The following CSMD3 variants were observed in gnomAD, a reference collection of about 807,000 sequenced individuals.
The protein encoded by CSMD3 is CUB and sushi domain-containing protein 3.
Under a neutral mutation model 435.2 loss-of-function variants are expected in CSMD3, and 177 were observed. The observed-to-expected ratio is 0.41, with a 90% CI of 0.36 to 0.46. The LOEUF is 0.46. Among genes scored for constraint, CSMD3 ranks in the 20% least tolerant of loss-of-function variants. The pLI is 0.34. For missense variants in CSMD3, 4,265 were observed against 4,504.6 expected (o/e 0.95, Z 1.52); for synonymous variants, 1,656 against 1,520.5 (o/e 1.09, Z -2.07).
At position 112,289,409 on chromosome 8, in the gene CSMD3, C is replaced by T. The variant is rs2130655247; in HGVS notation, c.9104G>A (p.Cys3035Tyr). The T allele has an allele frequency of 6.2e-7, 1 of 1,613,394 alleles. No individual in the cohort carries two copies. Among genetic ancestry groups the T allele is most frequent in the Non-Finnish European group, 8.5e-7 (1 of 1,179,558 alleles). ...RSLLGQSSRT[C>Y]QLNGHWSGSQ... is the part of the protein sequence containing the mutation. ...TCCACTCCAATGGCCATTCAATTGG[C>T]AGGTTCTTGATGACTGGCCTAAAAG... The change falls in exon 57 of 71, where the codon TGC becomes TAC. Residue 3035 changes from cysteine (C) to tyrosine (Y), a missense_variant. Coordinates refer to ENST00000297405, the MANE Select transcript of CSMD3 (RefSeq NM_198123.2).
intron 22 of CSMD3, among the ~76,000 whole-genome samples, chr8:112,597,238 C>T (rs1240313339): frequency 1.3e-5 from 2 of 152,104 alleles, no homozygotes; most frequent in East Asian, 1.9e-4. Context: ...ACTACAAACA[C>T]CTCTATGCAA....
chr8:113,111,490 C>T lies in CSMD3; in HGVS notation c.710-12527G>A, dbSNP rs374178221. Among the ~76,000 whole-genome samples the T allele has an allele frequency of 2.6e-5, 4 of 152,232 alleles. No individual in the cohort carries two copies. In the East Asian group the frequency reaches 7.8e-4, roughly 30 times the overall value. On this transcript the variant is annotated intron_variant, in intron 4 of 70. Transcript: ENST00000297405. ...TTACCTTTTAGCCAGTGACTATTCA[C>T]TTTCCCCCTCCGCCCCCACAATCCA...
At chr8:112,864,127 A>G (rs1323375078) in intron 10 of CSMD3, among the ~76,000 whole-genome samples, 1 of 152,210 alleles carries the variant, frequency 6.6e-6, no homozygotes, top group Non-Finnish European at 1.5e-5. Flanking sequence ...TTCAAGAGAT[A>G]TAATAATTTA....
intron 4 of CSMD3, among the ~76,000 whole-genome samples, chr8:113,152,058 C>T (rs1028247263): frequency 2.0e-5 from 3 of 151,804 alleles, no homozygotes; most frequent in Non-Finnish European, 4.4e-5. Flanking sequence ...GCAGTGGGAC[C>T]ACTATATGTG....
intron 38 of CSMD3, among the ~76,000 whole-genome samples, chr8:112,372,396 A>T (rs1400649341): frequency 1.3e-5 from 2 of 152,186 alleles, no homozygotes; most frequent in Admixed American, 6.5e-5. Context: ...ATATCTGGAA[A>T]TATTAATAAG....
At chr8:113,431,051 C>T (rs1412933493) in intron 1 of CSMD3, among the ~76,000 whole-genome samples, 1 of 152,118 alleles carries the variant, frequency 6.6e-6, no homozygotes, top group Non-Finnish European at 1.5e-5. Flanking sequence ...CTTTTAAAAG[C>T]GATGTCCCTG....
chr8:113,149,329 A>G (rs1251076521), intron 4 of CSMD3, among the ~76,000 whole-genome samples: 1 of 151,848 alleles, frequency 6.6e-6, no homozygotes, highest in Non-Finnish European at 1.5e-5. Flanking sequence ...CTGCATCTGC[A>G]TCTTTCAGAT....
intron 5 of CSMD3, among the ~76,000 whole-genome samples, chr8:113,092,996 A>G (rs1199024473): frequency 1.3e-5 from 2 of 152,150 alleles, no homozygotes; most frequent in East Asian, 3.8e-4. Context: ...AAAAACATGT[A>G]AAAGCAGATT....
At chr8:113,167,318 A>C (rs901552793) in intron 4 of CSMD3, among the ~76,000 whole-genome samples, 4 of 152,184 alleles carry the variant, frequency 2.6e-5, no homozygotes, top group African/African-American at 9.6e-5. Flanking sequence ...TTAAGCATTA[A>C]ATAAATTTTT....
At chr8:112,826,087 A>C in intron 12 of CSMD3, among the ~76,000 whole-genome samples, 1 of 152,158 alleles carries the variant, frequency 6.6e-6, no homozygotes, top group East Asian at 1.9e-4. Context: ...GGGATGGGTC[A>C]GGTTCAGGTC....
chr8:112,603,250 CA>C (rs2131427704), intron 22 of CSMD3, among the ~76,000 whole-genome samples: 1 of 152,198 alleles, frequency 6.6e-6, no homozygotes, highest in East Asian at 1.9e-4. Flanking sequence ...TTGCTAGTGT[CA>C]CTTCATTCCC....
intron 22 of CSMD3, among the ~76,000 whole-genome samples, chr8:112,620,819 C>T (rs73332693): frequency 0.017 from 2,540 of 152,280 alleles, 70 homozygotes; most frequent in African/African-American, 0.058. Flanking sequence ...CCAAAGGCTG[C>T]ATTTCTCCAA....
At chr8:113,098,597 T>G (rs2090236166) in intron 5 of CSMD3, 159 bp downstream of exon 5, 1 of 615,940 alleles carries the variant, frequency 1.6e-6, no homozygotes, top group Non-Finnish European at 2.9e-6. Context: ...AATAGCTCGA[T>G]CTTCAAAAAT....
At chr8:112,576,194 TA>T in intron 23 of CSMD3, among the ~76,000 whole-genome samples, 1 of 152,158 alleles carries the variant, frequency 6.6e-6, no homozygotes, top group Non-Finnish European at 1.5e-5. Flanking sequence ...ACTGGGGAAA[TA>T]AAAATTGGAT....
chr8:112,281,112 C>T (rs535819970), intron 59 of CSMD3, 62 bp downstream of exon 59: 2 of 1,241,556 alleles, frequency 1.6e-6, no homozygotes, highest in African/African-American at 1.5e-5. Flanking sequence ...CACAAAAATA[C>T]TTATATACTC....
intron 3 of CSMD3, among the ~76,000 whole-genome samples, chr8:113,207,385 CTTT>C (rs72308827): frequency 7.2e-6 from 1 of 139,328 alleles, no homozygotes. Context: ...AATTATTTTT[CTTT>C]TTTTTTTTTT....
At chr8:113,318,275 C>T (rs12155675) in intron 1 of CSMD3, among the ~76,000 whole-genome samples, 1 of 152,060 alleles carries the variant, frequency 6.6e-6, no homozygotes, top group Non-Finnish European at 1.5e-5. Context: ...TTTTGAAAGG[C>T]AAATTTTGTT....
At chr8:112,760,099 C>T (rs903722880) in intron 13 of CSMD3, among the ~76,000 whole-genome samples, 1 of 152,150 alleles carries the variant, frequency 6.6e-6, no homozygotes, top group African/African-American at 2.4e-5. Flanking sequence ...ATTGCCACCA[C>T]ACTCCCAAAA....
At chr8:112,644,007 T>G (rs1255087141) in intron 20 of CSMD3, among the ~76,000 whole-genome samples, 1 of 151,644 alleles carries the variant, frequency 6.6e-6, no homozygotes, top group Admixed American at 6.6e-5. Flanking sequence ...TTTTTTTAGA[T>G]TTTCTATATT....
Sources: allele counts gnomAD v4.1 joint callset (sites outside exome capture counted in the v4.1 genomes callset), GRCh38; gene constraint gnomAD v4.1.1; transcripts MANE v1.5; gene names NCBI Gene and HGNC (gene_info 2026-07-23, HGNC 2026-07-21).